The following SKAP2 variants were observed in gnomAD, a reference collection of about 807,000 sequenced individuals.
SKAP2 encodes the protein src kinase associated phosphoprotein 2.
In SKAP2, 28 loss-of-function variants were observed where a neutral mutation model predicts 54.9. The ratio of observed to expected loss-of-function variants is 0.51; its 90% confidence interval spans 0.38 to 0.70. The LOEUF is 0.70. Ranked by LOEUF, SKAP2 falls within the 30% of genes least tolerant of loss-of-function variation. The pLI is 0.00. For synonymous variants in SKAP2, 137 were observed against 134.3 expected (o/e 1.02, Z -0.14); for missense variants, 356 against 424.1 (o/e 0.84, Z 1.41).
chr7:26,807,415 G>C (rs1415984836), intron 4 of SKAP2, among the ~76,000 whole-genome samples: 1 of 152,178 alleles, frequency 6.6e-6, no homozygotes, highest in Non-Finnish European at 1.5e-5. Context: ...TAGTTTAAAA[G>C]TGTTTGGCAG....
At chr7:26,713,168 G>A (rs1413882623) in intron 9 of SKAP2, among the ~76,000 whole-genome samples, 8 of 152,124 alleles carry the variant, frequency 5.3e-5, no homozygotes, top group Admixed American at 4.6e-4. Flanking sequence ...CTTTGAATTT[G>A]GTGTTCACTG....
intron 4 of SKAP2, among the ~76,000 whole-genome samples, chr7:26,756,228 GC>G (rs538385350): frequency 1.0e-3 from 155 of 152,266 alleles, no homozygotes; most frequent in African/African-American, 3.6e-3. Context: ...TGCACAACGT[GC>G]AGGTTTGTTA....
At chr7:26,683,898 A>G (rs1786569985) in intron 11 of SKAP2, among the ~76,000 whole-genome samples, 1 of 152,192 alleles carries the variant, frequency 6.6e-6, no homozygotes, top group African/African-American at 2.4e-5. Flanking sequence ...CTTATGATTT[A>G]ACATTTTTCT....
chr7:26,717,212 G>A (rs978293067), intron 9 of SKAP2, among the ~76,000 whole-genome samples: 1 of 152,044 alleles, frequency 6.6e-6, no homozygotes, highest in African/African-American at 2.4e-5. Flanking sequence ...GTGGAGGATG[G>A]CTTCTAAGCA....
At chr7:26,716,297 T>A (rs1787437309) in intron 9 of SKAP2, among the ~76,000 whole-genome samples, 1 of 152,164 alleles carries the variant, frequency 6.6e-6, no homozygotes, top group African/African-American at 2.4e-5. Context: ...GTTATAGATA[T>A]TAGGGTTATA....
At chr7:26,717,310 A>G (rs1217417016) in intron 9 of SKAP2, among the ~76,000 whole-genome samples, 1 of 151,932 alleles carries the variant, frequency 6.6e-6, no homozygotes, top group African/African-American at 2.4e-5. Flanking sequence ...CAGAAGTTGG[A>G]GACCATCTTG....
intron 4 of SKAP2, among the ~76,000 whole-genome samples, chr7:26,828,754 C>T (rs977324810): frequency 6.6e-5 from 10 of 150,732 alleles, no homozygotes; most frequent in South Asian, 2.1e-4. Context: ...TGGCCGGGAG[C>T]GGTGGCTCAC....
At chr7:26,816,738 CA>C (rs965182507) in intron 4 of SKAP2, among the ~76,000 whole-genome samples, 20 of 150,932 alleles carry the variant, frequency 1.3e-4, no homozygotes, top group South Asian at 4.2e-4. Flanking sequence ...TTTGATAAGG[CA>C]AAAAAAATGT....
At chr7:26,734,829 C>T (rs1271806448) in intron 6 of SKAP2, among the ~76,000 whole-genome samples, 1 of 152,112 alleles carries the variant, frequency 6.6e-6, no homozygotes, top group Non-Finnish European at 1.5e-5. Flanking sequence ...TAATCACCTC[C>T]CAAAAGCCCC....
intron 9 of SKAP2, among the ~76,000 whole-genome samples, chr7:26,696,282 G>C (rs990577570): frequency 6.6e-6 from 1 of 152,104 alleles, no homozygotes; most frequent in Non-Finnish European, 1.5e-5. Context: ...ACAAACTTCA[G>C]AATGAATGGA....
At chr7:26,819,555 AACTTAAAGTAT>A (rs1367716981) in intron 4 of SKAP2, among the ~76,000 whole-genome samples, 73 of 141,546 alleles carry the variant, frequency 5.2e-4, no homozygotes, top group South Asian at 6.9e-4. Flanking sequence ...TGTATCCCAG[AACTTAAAGTAT>A]ACTTAAAAAA....
intron 9 of SKAP2, among the ~76,000 whole-genome samples, chr7:26,724,777 T>C (rs1317080907): frequency 6.6e-6 from 1 of 152,170 alleles, no homozygotes; most frequent in African/African-American, 2.4e-5. Flanking sequence ...TTGATCCTCA[T>C]GGCCGCAAGT....
In SKAP2 at chr7:26,829,702, G is replaced by T. The variant is rs547713971; in HGVS notation, c.307+14328C>A. Reference sequence around the variant, plus strand: ...TACAGAAGTGCAAATCAAAACTACAGTAAGATACCACTTCACATTCACTAG... The same window carrying T: ...TACAGAAGTGCAAATCAAAACTACATTAAGATACCACTTCACATTCACTAG... On this transcript the variant is annotated intron_variant, in intron 4 of 12. Coordinates refer to ENST00000345317, the MANE Select transcript of SKAP2 (RefSeq NM_003930.5). 3.9e-5 allele frequency among the ~76,000 whole-genome samples: 6 copies of T among 152,218 alleles called. No individual in the cohort carries two copies. In the South Asian group the frequency reaches 1.2e-3, roughly 32 times the overall value.
intron 9 of SKAP2, among the ~76,000 whole-genome samples, chr7:26,719,126 G>T (rs759836994): frequency 5.3e-5 from 8 of 152,076 alleles, no homozygotes; most frequent in Non-Finnish European, 1.2e-4. Context: ...AGTGAGCCAT[G>T]AATGCACCAC....
intron 1 of SKAP2, among the ~76,000 whole-genome samples, chr7:26,863,351 C>T (rs555388777): frequency 6.6e-6 from 1 of 151,956 alleles, no homozygotes; most frequent in African/African-American, 2.4e-5. Flanking sequence ...TATTCATAAG[C>T]AATACTGAGA....
At chr7:26,671,481 T>G (rs1272679497) in intron 11 of SKAP2, among the ~76,000 whole-genome samples, 1 of 152,048 alleles carries the variant, frequency 6.6e-6, no homozygotes, top group Non-Finnish European at 1.5e-5. Context: ...TAGCATTACA[T>G]TAGCGTGTAT....
At chr7:26,673,443 G>A (rs899970720) in intron 11 of SKAP2, among the ~76,000 whole-genome samples, 2 of 151,982 alleles carry the variant, frequency 1.3e-5, no homozygotes, top group East Asian at 1.9e-4. Context: ...TACATTATGC[G>A]GTTATTCTGT....
intron 9 of SKAP2, among the ~76,000 whole-genome samples, chr7:26,722,165 C>T (rs1317905072): frequency 2.6e-5 from 4 of 152,146 alleles, no homozygotes; most frequent in South Asian, 2.1e-4. Context: ...ATGGCATTCT[C>T]GCAACTCTTT....
chr7:26,752,145 G>A (rs985016449), intron 4 of SKAP2, among the ~76,000 whole-genome samples: 2 of 152,128 alleles, frequency 1.3e-5, no homozygotes, highest in Non-Finnish European at 2.9e-5. Flanking sequence ...CTTGTGAGGA[G>A]TGGGCCAAAA....
Sources: allele counts gnomAD v4.1 joint callset (sites outside exome capture counted in the v4.1 genomes callset), GRCh38; gene constraint gnomAD v4.1.1; transcripts MANE v1.5; gene names NCBI Gene and HGNC (gene_info 2026-07-23, HGNC 2026-07-21).